SPTLC2: variants seen among roughly 807,000 people sequenced by gnomAD.
The protein encoded by SPTLC2 is serine palmitoyltransferase 2.
SPTLC2 carries 21 observed loss-of-function variants against 62.0 expected under a neutral mutation model. The ratio of observed to expected loss-of-function variants is 0.34; its 90% CI spans 0.24 to 0.49. SPTLC2 has a LOEUF of 0.49. SPTLC2 is among the 20% of genes least tolerant of loss of function. SPTLC2 has a pLI of 0.99. For missense variants in SPTLC2, 511 were observed against 713.0 expected, an observed-to-expected ratio of 0.72 and a Z score of 3.23; for synonymous variants, 261 against 261.8, an observed-to-expected ratio of 1.00 and a Z score of 0.03.
At chr14:77,535,225 C>A (rs2079463247) in intron 9 of SPTLC2, among the ~76,000 whole-genome samples, 1 of 152,114 alleles carries the variant, frequency 6.6e-6, no homozygotes. Context: ...CCACACCCAG[C>A]CCCAAGTGCT....
intron 9 of SPTLC2, among the ~76,000 whole-genome samples, chr14:77,529,272 T>A (rs1385168267): frequency 1.4e-5 from 2 of 146,712 alleles, no homozygotes; most frequent in African/African-American, 5.1e-5. Flanking sequence ...TTTTTTTTTT[T>A]TTTAACAAAT....
At position 77,507,454 on chromosome 14, in the gene SPTLC2, C is replaced by T. The variant is rs974117550; in HGVS notation, c.*4830G>A. ...CAAGCAATTCCTGTGCCTCAGCCTC[C>T]TGACGTAGCTGGGATTACAGGCATG... On this transcript the variant is annotated 3_prime_UTR_variant, in exon 12 of 12. Coordinates refer to ENST00000216484, the MANE Select transcript of SPTLC2 (RefSeq NM_004863.4). 4 of 152,130 alleles carry T rather than the reference C, an allele frequency of 2.6e-5. No individual in the cohort carries two copies. The highest frequency in any genetic ancestry group is 7.2e-5 in the African/African-American group (3 of 41,402). 9.4% of individuals were successfully genotyped at this position (152,130 alleles called of 1,614,324 possible).
At chr14:77,613,756 G>A (rs570282624) in intron 1 of SPTLC2, among the ~76,000 whole-genome samples, 96 of 152,268 alleles carry the variant, frequency 6.3e-4, no homozygotes, top group Middle Eastern at 3.4e-3. Flanking sequence ...AGCTGTATGC[G>A]TATTTTTGAT....
intron 9 of SPTLC2, among the ~76,000 whole-genome samples, chr14:77,522,739 C>G (rs888571328): frequency 1.3e-5 from 2 of 152,138 alleles, no homozygotes; most frequent in Non-Finnish European, 2.9e-5. Flanking sequence ...TTAGAATCTT[C>G]TCAACCATGA....
chr14:77,601,579 G>A (rs10137398), intron 1 of SPTLC2, among the ~76,000 whole-genome samples: 65,993 of 152,016 alleles, frequency 0.43, 14,696 homozygotes, highest in East Asian at 0.64. Flanking sequence ...TGAAACATTT[G>A]GTGCCAAAGA....
At chr14:77,515,542 CTTTTTTTTTT>C (rs71128633) in intron 11 of SPTLC2, among the ~76,000 whole-genome samples, 1 of 124,726 alleles carries the variant, frequency 8.0e-6, no homozygotes, top group Non-Finnish European at 1.6e-5. Context: ...AAGGGAAAGG[CTTTTTTTTTT>C]TTTTTTTTTT....
At chr14:77,579,201 T>C in intron 2 of SPTLC2, 92 bp from the exon 3 acceptor site, 5 of 1,382,244 alleles carry the variant, frequency 3.6e-6, no homozygotes, top group Non-Finnish European at 5.0e-6. Context: ...TTTATGTAAA[T>C]TTATGGGGTA....
In SPTLC2 at chr14:77,535,878, T is replaced by C. The variant is rs376866424; in HGVS notation, c.1304-14297A>G. ...TAAATAACAATGAGATATGGAGAAG[T>C]AGACAGGTTCAAAGATATTAAGGAA... is the stretch of plus-strand genomic sequence containing the variant. On this transcript the variant is annotated intron_variant, in intron 9 of 11. Transcript: ENST00000216484. The C allele has an allele frequency of 2.1e-5, 9 of 430,360 alleles. No individual in the cohort carries two copies. The Middle Eastern group carries it at 2.7e-3, about 129-fold the overall frequency. The allele number at this position is 430,360 out of a possible 1,614,324, so 26.7% of individuals were successfully genotyped here.
intron 9 of SPTLC2, among the ~76,000 whole-genome samples, chr14:77,548,324 A>C (rs560322865): frequency 9.2e-5 from 14 of 152,336 alleles, no homozygotes; most frequent in African/African-American, 3.4e-4. Flanking sequence ...AAAGGATCCT[A>C]GATGTCACAC....
intron 8 of SPTLC2, chr14:77,554,850 G>A (rs1270332629): frequency 4.3e-6 from 1 of 230,182 alleles, no homozygotes; most frequent in Non-Finnish European, 8.7e-6. Context: ...ACAATGCTTT[G>A]TAGTACCCCA....
intron 4 of SPTLC2, 148 bp from the exon 5 acceptor site, chr14:77,570,656 C>T (rs2079676846): frequency 1.1e-6 from 1 of 911,276 alleles, no homozygotes; most frequent in African/African-American, 1.7e-5. Context: ...GAGTAATATT[C>T]TTCATAATAT....
At chr14:77,580,668 A>C in intron 2 of SPTLC2, among the ~76,000 whole-genome samples, 1 of 151,944 alleles carries the variant, frequency 6.6e-6, no homozygotes, top group East Asian at 1.9e-4. Flanking sequence ...AGTGACAGTA[A>C]GCTATGACTA....
In SPTLC2 at chr14:77,509,209, G is replaced by A. The variant is rs890342440; in HGVS notation, c.*3075C>T. 6.6e-6 allele frequency: 1 copy of A among 152,066 alleles called. No individual in the cohort carries two copies. The highest frequency in any genetic ancestry group is 2.4e-5 in the African/African-American group (1 of 41,396). The allele number at this position is 152,066 out of a possible 1,614,324, so 9.4% of individuals were successfully genotyped here. ...AGTACTTTGGGGGTTATGGAGACTA[G>A]AAGCTTTTTTTAAAGGTAAGGATTT... On this transcript the variant is annotated 3_prime_UTR_variant, in exon 12 of 12. Coordinates refer to ENST00000216484, the MANE Select transcript of SPTLC2 (RefSeq NM_004863.4).
At chr14:77,572,429 A>G (rs372027035) in intron 4 of SPTLC2, among the ~76,000 whole-genome samples, 5 of 152,212 alleles carry the variant, frequency 3.3e-5, no homozygotes, top group South Asian at 4.1e-4. Context: ...ACCAAAAAAG[A>G]TATTTTGACG....
In SPTLC2 at chr14:77,562,343, G is replaced by A. The variant is rs545903750; in HGVS notation, c.850+53C>T. On this transcript the variant is annotated intron_variant, in intron 6 of 11. Coordinates refer to ENST00000216484, the MANE Select transcript of SPTLC2 (RefSeq NM_004863.4). ...ATAACTAATGTTAACTCCCACCATGGATCGAAAGAATAGCAAAACCAAGGC... is the reference window on the plus strand; with the variant it reads ...ATAACTAATGTTAACTCCCACCATGAATCGAAAGAATAGCAAAACCAAGGC... 1.6e-3 allele frequency: 2,374 copies of A among 1,487,782 alleles called. 4 individuals carry two copies. Among genetic ancestry groups the A allele is most frequent in the Non-Finnish European group, 2.1e-3 (2,284 of 1,064,732 alleles). 92.2% of individuals were successfully genotyped at this position (1,487,782 alleles called of 1,614,324 possible). A position where few individuals can be genotyped will look rare whatever the true frequency, so the allele number is the denominator to read the frequency against.
At chr14:77,524,333 T>G (rs1232202513) in intron 9 of SPTLC2, among the ~76,000 whole-genome samples, 1 of 152,020 alleles carries the variant, frequency 6.6e-6, no homozygotes, top group African/African-American at 2.4e-5. Context: ...TAACCTTGAT[T>G]GTGGCATGGG....
intron 11 of SPTLC2, among the ~76,000 whole-genome samples, chr14:77,515,542 C>T (rs1196316908): frequency 1.4e-4 from 18 of 124,696 alleles, no homozygotes; most frequent in African/African-American, 3.2e-4. Flanking sequence ...AAGGGAAAGG[C>T]TTTTTTTTTT....
chr14:77,543,304 T>A (rs2079511315), intron 9 of SPTLC2, among the ~76,000 whole-genome samples: 2 of 152,178 alleles, frequency 1.3e-5, no homozygotes. Context: ...CCGCCCACCT[T>A]GGCCTCAGAA....
intron 2 of SPTLC2, among the ~76,000 whole-genome samples, chr14:77,580,554 GAA>G (rs11322822): frequency 0.049 from 6,371 of 129,334 alleles, 368 homozygotes; most frequent in African/African-American, 0.16. Context: ...TTTTAAAAAA[GAA>G]AAAAAAAAAA....
Sources: gnomAD v4.1 joint callset for allele counts (sites outside exome capture counted in the v4.1 genomes callset) on GRCh38, gnomAD v4.1.1 for gene constraint, MANE v1.5 for transcripts, NCBI Gene and HGNC (gene_info 2026-07-23, HGNC 2026-07-21) for gene names.